SETDB2: variants seen among roughly 807,000 people sequenced by gnomAD.
The protein encoded by SETDB2 is SET domain bifurcated histone lysine methyltransferase 2.
In SETDB2, 56 loss-of-function variants were observed where a neutral mutation model predicts 82.5. The ratio of observed to expected loss-of-function variants is 0.68; its 90% confidence interval spans 0.55 to 0.85. The LOEUF (loss-of-function observed/expected upper bound fraction) is 0.85. SETDB2 is among the 40% of genes least tolerant of loss of function. SETDB2 has a pLI of 0.00. For synonymous variants in SETDB2, 272 were observed against 284.9 expected (o/e 0.95, Z 0.46); for missense variants, 677 against 816.4 (o/e 0.83, Z 2.08).
intron 7 of SETDB2, 128 bp from the exon 8 acceptor site, chr13:49,480,819 C>T (rs1455144644): frequency 5.9e-6 from 5 of 853,288 alleles, no homozygotes; most frequent in African/African-American, 1.7e-5. Context: ...TGATGGGAAC[C>T]CAGGCACTCT....
Position 49,483,555 on chromosome 13 carries a change from A to G in SETDB2, c.1474A>G (p.Lys492Glu), listed in dbSNP as rs751675287. 1.4e-5 allele frequency: 20 copies of G among 1,434,392 alleles called. No individual in the cohort carries two copies. The highest frequency in any genetic ancestry group is 1.8e-4 in the Middle Eastern group (1 of 5,610). The allele number at this position is 1,434,392 out of a possible 1,614,324, so 88.9% of individuals were successfully genotyped here. A position where few individuals can be genotyped will look rare whatever the true frequency, so the allele number is the denominator to read the frequency against. The change falls in exon 10 of 14, where the codon AAA (lysine) becomes GAA (glutamate). Residue 492 changes from lysine to glutamate, a missense_variant. Lys to Glu is a moderately conservative substitution (Grantham distance 56). Transcript: ENST00000611815. Reference sequence around the variant, plus strand: ...GACAGCCATTTTTCAACACAATGGGAAAAAAATGGTAAAAAATGCAAAATG... The same window carrying G: ...GACAGCCATTTTTCAACACAATGGGGAAAAAATGGTAAAAAATGCAAAATG... ...SKTAIFQHNGKKMEFVSSESV... is the reference protein window; with the variant it reads ...SKTAIFQHNGEKMEFVSSESV...
intron 5 of SETDB2, among the ~76,000 whole-genome samples, chr13:49,469,767 T>G (rs954197103): frequency 6.6e-6 from 1 of 152,184 alleles, no homozygotes; most frequent in Non-Finnish European, 1.5e-5. Flanking sequence ...TATGCTTAAA[T>G]AAACTTGAGT....
Position 49,476,928 on chromosome 13 carries a change from A to G in SETDB2, c.758A>G (p.Lys253Arg), listed in dbSNP as rs1958377908. Residue 253 changes from lysine to arginine, a missense_variant, in exon 6 of 14, where the codon AAG (lysine) becomes AGG (arginine). Coordinates refer to ENST00000611815, the MANE Select transcript of SETDB2 (RefSeq NM_001160308.3). ...TTCTGTAATGAAATTGACAGTAGAA[A>G]GCTCCCACAGTTTAAGTACAGAAAG... The part of the protein sequence containing the change: ...ISFCNEIDSR[K>R]LPQFKYRKTV... The G allele has an allele frequency of 6.8e-6, 11 of 1,614,054 alleles. No homozygotes were observed. Among genetic ancestry groups the G allele is most frequent in the African/African-American group, 1.3e-5 (1 of 74,924 alleles).
intron 5 of SETDB2, among the ~76,000 whole-genome samples, chr13:49,472,170 T>A (rs1019271907): frequency 6.6e-6 from 1 of 152,024 alleles, no homozygotes; most frequent in African/African-American, 2.4e-5. Context: ...GAAATTAATA[T>A]ACCTGCCTTT....
At chr13:49,461,038 C>T in intron 3 of SETDB2, 59 bp from the exon 4 acceptor site, 1 of 1,290,986 alleles carries the variant, frequency 7.7e-7, no homozygotes, top group Middle Eastern at 2.1e-4. Context: ...AATTGTTTAG[C>T]ACAGTAGCTG....
intron 1 of SETDB2, among the ~76,000 whole-genome samples, chr13:49,445,104 T>C (rs1957634468): frequency 6.6e-6 from 1 of 152,186 alleles, no homozygotes; most frequent in African/African-American, 2.4e-5. Context: ...AACCAAAGCA[T>C]AGGCTCTGAA....
intron 5 of SETDB2, among the ~76,000 whole-genome samples, chr13:49,475,297 G>A (rs1029425069): frequency 1.3e-5 from 2 of 152,030 alleles, no homozygotes; most frequent in Non-Finnish European, 2.9e-5. Context: ...CCCACAACAC[G>A]TCGGAATTCA....
chr13:49,447,783 C>CT (rs557604511), intron 1 of SETDB2, among the ~76,000 whole-genome samples: 59 of 152,158 alleles, frequency 3.9e-4, no homozygotes, highest in African/African-American at 1.3e-3. Context: ...ATTTTTGTGT[C>CT]TAAGACCCAG....
Position 49,488,642 on chromosome 13 carries a change from G to A in SETDB2, c.1917+12G>A. On this transcript the variant is annotated intron_variant, in intron 12 of 13. Coordinates refer to ENST00000611815, the MANE Select transcript of SETDB2 (RefSeq NM_001160308.3). Reference sequence around the variant, plus strand: ...GCCGCTTCCTTAATGTGAGTATAAGGGCTGAGATTCCTATTTCTGAACAAC... The same window carrying A: ...GCCGCTTCCTTAATGTGAGTATAAGAGCTGAGATTCCTATTTCTGAACAAC... 1 of 1,541,916 alleles carries A rather than the reference G, an allele frequency of 6.5e-7. No homozygotes were observed.
At chr13:49,472,799 C>T (rs1002009231) in intron 5 of SETDB2, among the ~76,000 whole-genome samples, 1 of 151,964 alleles carries the variant, frequency 6.6e-6, no homozygotes, top group Non-Finnish European at 1.5e-5. Flanking sequence ...TTTCTCTTCT[C>T]CTCCCACTCC....
At chr13:49,461,333 C>G (rs971165617) in intron 4 of SETDB2, among the ~76,000 whole-genome samples, 171 bp downstream of exon 4, 1 of 152,162 alleles carries the variant, frequency 6.6e-6, no homozygotes, top group African/African-American at 2.4e-5. Flanking sequence ...AAGTCCTACC[C>G]ATCTAGAGAT....
At chr13:49,454,293 C>T (rs1957838195) in intron 2 of SETDB2, among the ~76,000 whole-genome samples, 1 of 152,094 alleles carries the variant, frequency 6.6e-6, no homozygotes, top group Non-Finnish European at 1.5e-5. Context: ...TATGTAATCC[C>T]AGCTATTCCA....
intron 5 of SETDB2, among the ~76,000 whole-genome samples, chr13:49,470,019 C>T (rs916221156): frequency 7.9e-5 from 12 of 152,090 alleles, no homozygotes; most frequent in Non-Finnish European, 1.6e-4. Flanking sequence ...TTGGAAACCT[C>T]GGTTCTTACT....
chr13:49,454,407 A>T (rs1475367733), intron 2 of SETDB2, among the ~76,000 whole-genome samples: 3 of 152,104 alleles, frequency 2.0e-5, no homozygotes, highest in Admixed American at 6.5e-5. Flanking sequence ...AGACTATCTC[A>T]AAATAAATAA....
intron 2 of SETDB2, among the ~76,000 whole-genome samples, chr13:49,458,682 C>T (rs892568931): frequency 1.3e-5 from 2 of 152,194 alleles, no homozygotes; most frequent in Non-Finnish European, 2.9e-5. Flanking sequence ...ATTTCTGAAC[C>T]AGATCTTACT....
intron 2 of SETDB2, among the ~76,000 whole-genome samples, chr13:49,458,659 G>A (rs1052441659): frequency 6.6e-6 from 1 of 152,168 alleles, no homozygotes; most frequent in Non-Finnish European, 1.5e-5. Flanking sequence ...GTACGTTAAT[G>A]ACTCCAATTT....
chr13:49,459,996 A>G, intron 2 of SETDB2, 111 bp from the exon 3 acceptor site: 7 of 1,052,632 alleles, frequency 6.6e-6, no homozygotes, highest in Non-Finnish European at 9.4e-6. Flanking sequence ...GATAGACCAG[A>G]TGAGTCTTGA....
At chr13:49,490,783 A>G (rs771188679) in intron 12 of SETDB2, 39 bp from the exon 13 acceptor site, 1 of 1,464,560 alleles carries the variant, frequency 6.8e-7, no homozygotes, top group Admixed American at 1.7e-5. Flanking sequence ...ATCAGACTTT[A>G]TGCTATTTCT....
At position 49,494,589 on chromosome 13, in the gene SETDB2, C is replaced by A. The variant is rs975524183; in HGVS notation, c.*2740C>A. 6.6e-6 allele frequency: 1 copy of A among 152,124 alleles called. No homozygotes were observed. Among genetic ancestry groups the A allele is most frequent in the Admixed American group, 6.5e-5 (1 of 15,280 alleles). The allele number at this position is 152,124 out of a possible 1,614,324, so 9.4% of individuals were successfully genotyped here. A position where few individuals can be genotyped will look rare whatever the true frequency, so the allele number is the denominator to read the frequency against. The stretch of plus-strand genomic sequence containing the variant: ...CTAATGTCAGTCTCTTTATAAAGGG[C>A]CTTTCATTTTGGCCTGGCAAGAAAT... On this transcript the variant is annotated 3_prime_UTR_variant, in exon 14 of 14. Transcript: ENST00000611815.
Sources: allele counts gnomAD v4.1 joint callset (sites outside exome capture counted in the v4.1 genomes callset), GRCh38; gene constraint gnomAD v4.1.1; transcripts MANE v1.5; gene names NCBI Gene and HGNC (gene_info 2026-07-23, HGNC 2026-07-21).